PRKCB: variants seen among roughly 807,000 people sequenced by gnomAD.
PRKCB encodes the protein protein kinase C beta, also known as protein kinase C beta type.
PRKCB carries 13 observed loss-of-function variants against 81.5 expected under a neutral mutation model. The observed-to-expected ratio is 0.16, with a 90% CI of 0.10 to 0.25. The LOEUF is 0.25. Among genes scored for constraint, PRKCB ranks in the 10% least tolerant of loss-of-function variants. The pLI, the probability that PRKCB is intolerant of heterozygous loss-of-function variation, is 1.00. For missense variants in PRKCB, 509 were observed against 875.7 expected (o/e 0.58, Z 5.29); for synonymous variants, 335 against 321.4 (o/e 1.04, Z -0.45).
rs10695120 is a variant in PRKCB at position 24,008,006 on chromosome 16, CA to C, written c.288+19428del. 3.4e-3 allele frequency among the ~76,000 whole-genome samples: 483 copies of C among 143,938 alleles called. 3 individuals carry two copies. Among genetic ancestry groups the C allele is most frequent in the Middle Eastern group, 7.1e-3 (2 of 280 alleles). The allele number at this position is 143,938 out of a possible 152,430, so 94.4% of individuals were successfully genotyped here. On this transcript the variant is annotated intron_variant, in intron 3 of 16. Transcript: ENST00000643927. ...TCTAGGATGTCTTGGTATTCTTTTT[CA>C]AAAAAAAAAAACTAAGAGCCAGCAT...
chr16:23,873,531 T>G (rs1962947883), intron 2 of PRKCB, among the ~76,000 whole-genome samples: 1 of 152,226 alleles, frequency 6.6e-6, no homozygotes, highest in Admixed American at 6.5e-5. Context: ...CTGTTGATGG[T>G]CTTTCTTGGC....
At chr16:24,091,356 ATAGT>A (rs1449172109) in intron 5 of PRKCB, among the ~76,000 whole-genome samples, 1 of 152,208 alleles carries the variant, frequency 6.6e-6, no homozygotes, top group Non-Finnish European at 1.5e-5. Context: ...CTTTTAGCAG[ATAGT>A]TAGAGTCGAT....
chr16:23,962,704 A>G (rs575532821), intron 2 of PRKCB, among the ~76,000 whole-genome samples: 1 of 152,076 alleles, frequency 6.6e-6, no homozygotes, highest in East Asian at 1.9e-4. Context: ...CTGACAATTG[A>G]GTCTAGGCTG....
At chr16:24,104,068 G>A (rs1966546178) in intron 7 of PRKCB, among the ~76,000 whole-genome samples, 1 of 152,086 alleles carries the variant, frequency 6.6e-6, no homozygotes, top group African/African-American at 2.4e-5. Flanking sequence ...GCCTCCCAAA[G>A]TGCTGGGATT....
At chr16:23,969,989 ATT>A (rs1307972402) in intron 2 of PRKCB, among the ~76,000 whole-genome samples, 1 of 152,126 alleles carries the variant, frequency 6.6e-6, no homozygotes, top group Non-Finnish European at 1.5e-5. Context: ...GTTCCAGGCT[ATT>A]TTTGAGCCCT....
intron 5 of PRKCB, 119 bp from the exon 6 acceptor site, chr16:24,092,672 A>T: frequency 2.1e-6 from 2 of 972,138 alleles, no homozygotes; most frequent in African/African-American, 1.6e-5. Flanking sequence ...TAATAAAATT[A>T]AATTTCTCAC....
At chr16:23,875,638 C>CAT (rs1418713322) in intron 2 of PRKCB, among the ~76,000 whole-genome samples, 1 of 90,508 alleles carries the variant, frequency 1.1e-5, no homozygotes, top group Non-Finnish European at 2.5e-5. Context: ...GTATATCACA[C>CAT]ATATATGTAT....
intron 3 of PRKCB, among the ~76,000 whole-genome samples, chr16:24,030,076 G>T (rs1240929561): frequency 6.6e-6 from 1 of 151,890 alleles, no homozygotes; most frequent in African/African-American, 2.4e-5. Context: ...ATTTTTTATT[G>T]TTGTAGACAT....
intron 5 of PRKCB, among the ~76,000 whole-genome samples, chr16:24,069,534 G>A (rs57012656): frequency 0.058 from 8,781 of 152,128 alleles, 309 homozygotes; most frequent in African/African-American, 0.073. Context: ...CTTGAGCCCA[G>A]GAGTTTGATT....
intron 5 of PRKCB, among the ~76,000 whole-genome samples, chr16:24,079,602 CAAACCAGAA>C (rs1161381926): frequency 1.3e-5 from 2 of 152,278 alleles, no homozygotes; most frequent in African/African-American, 2.4e-5. Flanking sequence ...ATCAGGGTGA[CAAACCAGAA>C]AAATGGTATC....
chr16:24,179,043 AC>A (rs1967579036), intron 12 of PRKCB, among the ~76,000 whole-genome samples: 1 of 152,070 alleles, frequency 6.6e-6, no homozygotes, highest in Non-Finnish European at 1.5e-5. Flanking sequence ...TCATCTGGTG[AC>A]CCCTGGAGTT....
intron 3 of PRKCB, among the ~76,000 whole-genome samples, chr16:23,989,047 G>A (rs1301761407): frequency 1.3e-5 from 2 of 152,080 alleles, no homozygotes; most frequent in African/African-American, 2.4e-5. Context: ...TGCAAGCTCC[G>A]CCTCCTGGGT....
chr16:24,206,728 G>C (rs1007240997), intron 16 of PRKCB, among the ~76,000 whole-genome samples: 1 of 152,168 alleles, frequency 6.6e-6, no homozygotes, highest in Non-Finnish European at 1.5e-5. Flanking sequence ...CCTGTCCCAT[G>C]GTCCCATGCA....
chr16:24,146,721 A>T (rs1320361062), intron 9 of PRKCB, among the ~76,000 whole-genome samples: 2 of 152,100 alleles, frequency 1.3e-5, no homozygotes, highest in Non-Finnish European at 2.9e-5. Context: ...TCTGCTATTT[A>T]TCACATCTCT....
At chr16:23,919,474 A>G (rs1387017639) in intron 2 of PRKCB, among the ~76,000 whole-genome samples, 1 of 151,792 alleles carries the variant, frequency 6.6e-6, no homozygotes, top group African/African-American at 2.4e-5. Context: ...TCTTTGCTAT[A>G]TAACCAGATA....
chr16:23,894,233 A>G (rs1450908246), intron 2 of PRKCB, among the ~76,000 whole-genome samples: 1 of 152,204 alleles, frequency 6.6e-6, no homozygotes, highest in Non-Finnish European at 1.5e-5. Flanking sequence ...CTTCTGTCCC[A>G]TAGGCCAAAG....
intron 2 of PRKCB, among the ~76,000 whole-genome samples, chr16:23,966,792 C>A (rs1964492551): frequency 6.6e-6 from 1 of 152,098 alleles, no homozygotes; most frequent in South Asian, 2.1e-4. Flanking sequence ...TGTGCCAAGC[C>A]CTGTTCTGCA....
intron 9 of PRKCB, among the ~76,000 whole-genome samples, chr16:24,148,104 C>G (rs572157720): frequency 6.6e-6 from 1 of 152,256 alleles, no homozygotes; most frequent in Non-Finnish European, 1.5e-5. Context: ...TGCTCATATC[C>G]TTATAGGAAT....
At chr16:23,872,605 C>G (rs1962922868) in intron 2 of PRKCB, among the ~76,000 whole-genome samples, 1 of 152,140 alleles carries the variant, frequency 6.6e-6, no homozygotes, top group Non-Finnish European at 1.5e-5. Context: ...CTGGCTCTGC[C>G]ACTTCCTAGT....
Sources: gnomAD v4.1 joint callset for allele counts (sites outside exome capture counted in the v4.1 genomes callset) on GRCh38, gnomAD v4.1.1 for gene constraint, MANE v1.5 for transcripts, NCBI Gene and HGNC (gene_info 2026-07-23, HGNC 2026-07-21) for gene names.